The following MAML3 variants were observed in gnomAD, a reference collection of about 807,000 sequenced individuals.
The protein encoded by MAML3 is mastermind like transcriptional coactivator 3, also known as mastermind-like protein 3.
In MAML3, 27 loss-of-function variants were observed where a neutral mutation model predicts 101.9. The ratio of observed to expected loss-of-function variants is 0.27; its 90% CI spans 0.20 to 0.37. MAML3 has a LOEUF of 0.37. Ranked by LOEUF, MAML3 falls within the 10% of genes least tolerant of loss-of-function variation. MAML3 has a pLI of 1.00. For missense variants in MAML3, 1,316 were observed against 1,444.9 expected (o/e 0.91, Z 1.45); for synonymous variants, 501 against 555.9 (o/e 0.90, Z 1.39).
At chr4:139,738,171 T>C (rs927087788) in intron 2 of MAML3, among the ~76,000 whole-genome samples, 1 of 152,254 alleles carries the variant, frequency 6.6e-6, no homozygotes, top group Non-Finnish European at 1.5e-5. Flanking sequence ...CTCTTGATCA[T>C]GCAGGGCATC....
chr4:139,871,939 GTTTTA>G (rs797021197), intron 2 of MAML3, among the ~76,000 whole-genome samples: 13 of 152,264 alleles, frequency 8.5e-5, no homozygotes, highest in African/African-American at 2.9e-4. Flanking sequence ...ATTAATAAAT[GTTTTA>G]TTTATTTATT....
At chr4:140,020,256 A>G (rs949441979) in intron 1 of MAML3, among the ~76,000 whole-genome samples, 5 of 152,196 alleles carry the variant, frequency 3.3e-5, no homozygotes, top group African/African-American at 1.2e-4. Context: ...GCCTATGTAA[A>G]TGTCCTAATG....
chr4:140,081,939 C>T (rs965939590), intron 1 of MAML3, among the ~76,000 whole-genome samples: 1 of 152,218 alleles, frequency 6.6e-6, no homozygotes, highest in Non-Finnish European at 1.5e-5. Flanking sequence ...ATAGGACCTT[C>T]TGCTTTGAAG....
rs777442520 is a variant in MAML3 at position 140,152,874 on chromosome 4, G to A, written c.454C>T (p.His152Tyr). 9.3e-6 allele frequency: 15 copies of A among 1,611,428 alleles called. No individual in the cohort carries two copies. Among genetic ancestry groups the A allele is most frequent in the Non-Finnish European group, 1.1e-5 (13 of 1,179,424 alleles). ...AEAASAEQRN[H>Y]TLIMLQETVK... ...TGCGCCCTCACCATGATCAGCGTGTGGTTCCTCTGCTCCGCCGAGGCAGCC... is the reference window on the plus strand; with the variant it reads ...TGCGCCCTCACCATGATCAGCGTGTAGTTCCTCTGCTCCGCCGAGGCAGCC... The change falls in exon 1 of 5, where the codon CAC (histidine) becomes TAC (tyrosine). Residue 152 changes from histidine (H) to tyrosine (Y), a missense_variant. Transcript: ENST00000509479.
intron 2 of MAML3, among the ~76,000 whole-genome samples, chr4:139,739,679 G>GTTTCTTTTTTTTT (rs200037455): frequency 7.6e-6 from 1 of 132,358 alleles, no homozygotes. Flanking sequence ...GAGGAAAGCA[G>GTTTCTTTTTTTTT]TTTTTTTTTT....
At chr4:140,021,642 C>CT (rs1722330385) in intron 1 of MAML3, among the ~76,000 whole-genome samples, 1 of 152,056 alleles carries the variant, frequency 6.6e-6, no homozygotes, top group Admixed American at 6.5e-5. Context: ...TCTCTGATTC[C>CT]TTTTTCTCCA....
intron 2 of MAML3, among the ~76,000 whole-genome samples, chr4:139,781,184 C>G (rs1242194926): frequency 6.6e-6 from 1 of 151,998 alleles, no homozygotes; most frequent in Non-Finnish European, 1.5e-5. Context: ...TACATCATCA[C>G]TGAAAAATAG....
rs948742040 is a variant in MAML3, at chr4:139,834,003, G to A, written c.2079+55354C>T. 2.6e-5 allele frequency among the ~76,000 whole-genome samples: 4 copies of A among 152,258 alleles called. No individual in the cohort carries two copies. In the East Asian group the frequency reaches 7.7e-4, roughly 29 times the overall value. On this transcript the variant is annotated intron_variant, in intron 2 of 4. Coordinates refer to ENST00000509479, the MANE Select transcript of MAML3 (RefSeq NM_018717.5). Reference sequence around the variant, plus strand: ...AAAGAAGGGGAAAAATCAGGTTGGGGGCAGGGGGATGCTCCCCCTGCTTTC... The same window carrying A: ...AAAGAAGGGGAAAAATCAGGTTGGGAGCAGGGGGATGCTCCCCCTGCTTTC...
intron 1 of MAML3, among the ~76,000 whole-genome samples, chr4:140,093,355 A>C (rs1218662456): frequency 6.6e-6 from 1 of 152,018 alleles, no homozygotes; most frequent in African/African-American, 2.4e-5. Flanking sequence ...AGTTCTGCAA[A>C]GATATCCTTT....
intron 1 of MAML3, among the ~76,000 whole-genome samples, chr4:140,026,831 AT>A (rs1348205850): frequency 2.0e-5 from 3 of 152,204 alleles, no homozygotes; most frequent in Non-Finnish European, 4.4e-5. Context: ...GCTGGAGAAT[AT>A]CCTGTTAAGT....
At chr4:139,958,344 ATATT>A (rs1733948335) in intron 1 of MAML3, among the ~76,000 whole-genome samples, 1 of 152,202 alleles carries the variant, frequency 6.6e-6, no homozygotes, top group African/African-American at 2.4e-5. Flanking sequence ...CTTTCAATAA[ATATT>A]TATTGAGTGT....
At chr4:139,721,769 T>C (rs1728242872) in intron 4 of MAML3, among the ~76,000 whole-genome samples, 1 of 152,118 alleles carries the variant, frequency 6.6e-6, no homozygotes, top group South Asian at 2.1e-4. Context: ...TTTTCATATA[T>C]TTTTTTAAGC....
intron 1 of MAML3, among the ~76,000 whole-genome samples, chr4:139,908,781 T>C (rs2111220939): frequency 6.6e-6 from 1 of 152,364 alleles, no homozygotes; most frequent in Middle Eastern, 3.4e-3. Context: ...GCAGAAATGA[T>C]GACTATAAAA....
chr4:139,780,371 C>A (rs907737647), intron 2 of MAML3, among the ~76,000 whole-genome samples: 1 of 152,168 alleles, frequency 6.6e-6, no homozygotes, highest in Non-Finnish European at 1.5e-5. Context: ...GGGTGCCATG[C>A]ATCTACCTAG....
intron 1 of MAML3, among the ~76,000 whole-genome samples, chr4:140,147,501 G>C (rs987162005): frequency 5.9e-5 from 9 of 152,170 alleles, no homozygotes; most frequent in Non-Finnish European, 8.8e-5. Flanking sequence ...AAGACCAAAA[G>C]GTTGGCAGCA....
intron 1 of MAML3, among the ~76,000 whole-genome samples, chr4:139,971,523 C>A (rs1462541837): frequency 1.3e-5 from 2 of 152,184 alleles, no homozygotes; most frequent in African/African-American, 4.8e-5. Flanking sequence ...CCTTGTGCTT[C>A]ATAATATAAA....
intron 1 of MAML3, among the ~76,000 whole-genome samples, chr4:139,958,961 T>C (rs894058117): frequency 2.0e-5 from 3 of 152,188 alleles, no homozygotes; most frequent in African/African-American, 4.8e-5. Context: ...TTGCTACCAG[T>C]GGCATACTTT....
chr4:139,850,461 C>A (rs2111154757), intron 2 of MAML3, among the ~76,000 whole-genome samples: 1 of 152,184 alleles, frequency 6.6e-6, no homozygotes, highest in Non-Finnish European at 1.5e-5. Flanking sequence ...TGGTTTTGTC[C>A]AAGGCTATTA....
At chr4:139,886,532 C>A (rs576576779) in intron 2 of MAML3, among the ~76,000 whole-genome samples, 2 of 152,020 alleles carry the variant, frequency 1.3e-5, no homozygotes, top group South Asian at 2.1e-4. Flanking sequence ...TATTTTTCTA[C>A]ACATATTAAA....
Sources: gnomAD v4.1 joint callset for allele counts (sites outside exome capture counted in the v4.1 genomes callset) on GRCh38, gnomAD v4.1.1 for gene constraint, MANE v1.5 for transcripts, NCBI Gene and HGNC (gene_info 2026-07-23, HGNC 2026-07-21) for gene names.